ROBO2: variants seen among roughly 807,000 people sequenced by gnomAD.
The protein encoded by ROBO2 is roundabout guidance receptor 2.
In ROBO2, 53 loss-of-function variants were observed where a neutral mutation model predicts 160.8. The observed-to-expected ratio is 0.33, with a 90% CI of 0.26 to 0.41. The LOEUF (loss-of-function observed/expected upper bound fraction) is 0.41. Ranked by LOEUF, ROBO2 falls within the 10% of genes least tolerant of loss-of-function variation. ROBO2 has a pLI of 1.00. For missense variants in ROBO2, 1,577 were observed against 1,722.4 expected (o/e 0.92, Z 1.49); for synonymous variants, 664 against 611.7 (o/e 1.09, Z -1.26).
chr3:76,651,120 A>T (rs1004385236), intron 2 of ROBO2, among the ~76,000 whole-genome samples: 3 of 152,188 alleles, frequency 2.0e-5, no homozygotes, highest in Non-Finnish European at 4.4e-5. Flanking sequence ...GCCAGTTGAA[A>T]AGCATGATGA....
intron 2 of ROBO2, among the ~76,000 whole-genome samples, chr3:77,183,151 A>G (rs150525481): frequency 7.1e-4 from 108 of 152,186 alleles, no homozygotes; most frequent in Middle Eastern, 3.4e-3. Flanking sequence ...AACAAAAAAC[A>G]AAAAATTGTA....
At chr3:76,284,724 G>T (rs1435218058) in intron 2 of ROBO2, among the ~76,000 whole-genome samples, 1 of 151,950 alleles carries the variant, frequency 6.6e-6, no homozygotes, top group Non-Finnish European at 1.5e-5. Flanking sequence ...TTATCCAGAG[G>T]CCTGACCTTT....
At chr3:77,372,354 A>C (rs1291985058) in intron 2 of ROBO2, among the ~76,000 whole-genome samples, 1 of 152,164 alleles carries the variant, frequency 6.6e-6, no homozygotes, top group Non-Finnish European at 1.5e-5. Context: ...ATAATCCTTA[A>C]GTTTCTTTCC....
At chr3:77,149,238 T>C (rs1036538500) in intron 2 of ROBO2, among the ~76,000 whole-genome samples, 7 of 151,988 alleles carry the variant, frequency 4.6e-5, no homozygotes, top group Non-Finnish European at 8.8e-5. Context: ...GGTTTCACCA[T>C]GTTGGCCAGG....
chr3:76,368,170 G>T (rs1371932162), intron 2 of ROBO2, among the ~76,000 whole-genome samples: 1 of 151,806 alleles, frequency 6.6e-6, no homozygotes, highest in East Asian at 1.9e-4. Flanking sequence ...AAATAGTTGA[G>T]GGGTGAATAG....
intron 2 of ROBO2, among the ~76,000 whole-genome samples, chr3:77,122,812 A>G (rs1011263374): frequency 2.0e-5 from 3 of 152,192 alleles, no homozygotes; most frequent in African/African-American, 7.2e-5. Flanking sequence ...TAATGTCGAC[A>G]AGCCATCTCT....
intron 2 of ROBO2, among the ~76,000 whole-genome samples, chr3:76,405,061 A>T (rs1321500902): frequency 6.6e-6 from 1 of 151,564 alleles, no homozygotes; most frequent in Non-Finnish European, 1.5e-5. Context: ...GCATGTGTGG[A>T]GGGAAATATG....
chr3:76,847,209 C>T (rs1178893454), intron 2 of ROBO2, among the ~76,000 whole-genome samples: 1 of 152,060 alleles, frequency 6.6e-6, no homozygotes, highest in East Asian at 1.9e-4. Context: ...AAAAAGTGAA[C>T]ATTAAAAATA....
At chr3:76,593,379 A>G (rs1389073582) in intron 2 of ROBO2, among the ~76,000 whole-genome samples, 1 of 152,088 alleles carries the variant, frequency 6.6e-6, no homozygotes, top group African/African-American at 2.4e-5. Context: ...CTATCAGTTC[A>G]GATCTGAGAG....
intron 2 of ROBO2, among the ~76,000 whole-genome samples, chr3:77,010,819 C>CTCCT (rs1289807865): frequency 3.1e-4 from 46 of 149,738 alleles, no homozygotes; most frequent in Non-Finnish European, 6.2e-4. Flanking sequence ...TTTTCTTTCT[C>CTCCT]TCCTTCCTTC....
At chr3:75,989,054 G>GT (rs1380052448) in intron 2 of ROBO2, among the ~76,000 whole-genome samples, 1 of 151,920 alleles carries the variant, frequency 6.6e-6, no homozygotes, top group Non-Finnish European at 1.5e-5. Context: ...TTAAAAATGT[G>GT]TTTTTGCTAC....
chr3:77,214,141 T>A (rs1355818505), intron 2 of ROBO2, among the ~76,000 whole-genome samples: 1 of 152,152 alleles, frequency 6.6e-6, no homozygotes, highest in Non-Finnish European at 1.5e-5. Flanking sequence ...CCTTGTTAAC[T>A]TTCTGTCTCG....
At chr3:77,336,673 T>C (rs952855815) in intron 2 of ROBO2, among the ~76,000 whole-genome samples, 3 of 152,184 alleles carry the variant, frequency 2.0e-5, no homozygotes, top group Admixed American at 1.3e-4. Flanking sequence ...AGAAAGTAGC[T>C]GATAAAAGCA....
chr3:76,478,017 T>C (rs1257724775), intron 2 of ROBO2, among the ~76,000 whole-genome samples: 1 of 147,654 alleles, frequency 6.8e-6, no homozygotes, highest in Non-Finnish European at 1.5e-5. Context: ...AGCCGCTACT[T>C]CTTTATTATT....
At position 77,499,614 on chromosome 3, in the gene ROBO2, CAT is replaced by C. The variant is rs1175616049; in HGVS notation, c.806+6236_806+6237del. Among the ~76,000 whole-genome samples, 4 of 149,782 alleles carry C rather than the reference CAT, an allele frequency of 2.7e-5. No homozygotes were observed. The East Asian group carries it at 7.8e-4, about 29-fold the overall frequency. ...TTTGGCCATATGATTTCCATAGAAACATATACAATATTATTTTTAAATAAGTA... is the reference window on the plus strand; with the variant it reads ...TTTGGCCATATGATTTCCATAGAAACATACAATATTATTTTTAAATAAGTA... On this transcript the variant is annotated intron_variant, in intron 5 of 25. Coordinates refer to ENST00000461745, the Ensembl canonical transcript of ROBO2.
intron 2 of ROBO2, among the ~76,000 whole-genome samples, chr3:77,269,198 C>T (rs910543805): frequency 9.2e-5 from 14 of 152,098 alleles, no homozygotes; most frequent in Non-Finnish European, 1.8e-4. Context: ...GATGAAATTT[C>T]ATGTACACAT....
chr3:75,998,116 A>G (rs906095064), intron 2 of ROBO2, among the ~76,000 whole-genome samples: 4 of 152,350 alleles, frequency 2.6e-5, no homozygotes, highest in African/African-American at 9.6e-5. Context: ...CTATATCTAC[A>G]TAAAATGTAT....
At chr3:77,577,695 C>G in intron 15 of ROBO2, 81 bp downstream of exon 16, 1 of 1,497,496 alleles carries the variant, frequency 6.7e-7, no homozygotes, top group Non-Finnish European at 9.3e-7. Context: ...AGACACATCT[C>G]TAAAGGTTCT....
chr3:77,235,536 C>G (rs1310483183), intron 2 of ROBO2, among the ~76,000 whole-genome samples: 4 of 152,060 alleles, frequency 2.6e-5, no homozygotes, highest in African/African-American at 9.7e-5. Context: ...TACCTTTATA[C>G]ATTCCTTTTT....
Sources: gnomAD v4.1 joint callset for allele counts (sites outside exome capture counted in the v4.1 genomes callset) on GRCh38, gnomAD v4.1.1 for gene constraint, MANE v1.5 for transcripts, NCBI Gene and HGNC (gene_info 2026-07-23, HGNC 2026-07-21) for gene names.